MTA3: variants seen among roughly 807,000 people sequenced by gnomAD.
MTA3 encodes metastasis associated 1 family member 3.
MTA3 carries 34 observed loss-of-function variants against 83.5 expected under a neutral mutation model. That is an observed-to-expected ratio of 0.41 (90% confidence interval 0.31 to 0.54). The LOEUF (loss-of-function observed/expected upper bound fraction) is 0.54, where lower values mean the gene tolerates loss of function less well. MTA3 is among the 20% of genes least tolerant of loss of function. The probability of loss-of-function intolerance (pLI) is 0.33; values close to 1 mark genes in which losing one functional copy is unlikely to be tolerated. For synonymous variants in MTA3, 303 were observed against 252.7 expected (o/e 1.20, Z -1.89); for missense variants, 761 against 726.4 (o/e 1.05, Z -0.55).
chr2:42,577,503 C>T (rs1248013877), intron 2 of MTA3, among the ~76,000 whole-genome samples: 2 of 146,684 alleles, frequency 1.4e-5, no homozygotes, highest in Non-Finnish European at 3.0e-5. Flanking sequence ...TTTTTTGAGA[C>T]GGATTGTCAC....
chr2:42,593,343 T>A (rs1287453944), intron 3 of MTA3, among the ~76,000 whole-genome samples: 1 of 62,976 alleles, frequency 1.6e-5, no homozygotes, highest in African/African-American at 8.3e-5. Context: ...AGAGCGAGAC[T>A]CTGTGTCAAA....
chr2:42,638,638 A>G (rs1687410500), intron 4 of MTA3, among the ~76,000 whole-genome samples: 1 of 151,822 alleles, frequency 6.6e-6, no homozygotes, highest in African/African-American at 2.4e-5. Context: ...AAGTGCTGAG[A>G]TTACAGGTGT....
chr2:42,619,808 C>G (rs542596355), intron 4 of MTA3, among the ~76,000 whole-genome samples: 2 of 151,996 alleles, frequency 1.3e-5, no homozygotes, highest in African/African-American at 2.4e-5. Flanking sequence ...TGTTACTTAC[C>G]TTTTTTCTGT....
chr2:42,605,669 C>CA (rs1276927328), intron 3 of MTA3, among the ~76,000 whole-genome samples: 7 of 75,550 alleles, frequency 9.3e-5, no homozygotes, highest in Admixed American at 3.5e-4. Context: ...GGGGGGCTGA[C>CA]CCCCCCACCT....
intron 9 of MTA3, among the ~76,000 whole-genome samples, chr2:42,690,761 G>T (rs903083428): frequency 1.3e-5 from 2 of 149,232 alleles, no homozygotes; most frequent in Non-Finnish European, 3.0e-5. Context: ...TGTAGCTTCC[G>T]CCTGCCAGGT....
chr2:42,675,443 C>G (rs552869399), intron 8 of MTA3, among the ~76,000 whole-genome samples: 1 of 152,150 alleles, frequency 6.6e-6, no homozygotes, highest in South Asian at 2.1e-4. Context: ...CCTCAAAATT[C>G]TTTTTCTTAT....
At chr2:42,662,330 A>T (rs552727685) in intron 8 of MTA3, among the ~76,000 whole-genome samples, 2 of 151,806 alleles carry the variant, frequency 1.3e-5, no homozygotes, top group South Asian at 2.1e-4. Context: ...TTATATTTAT[A>T]TATATAAATT....
At chr2:42,727,931 C>T (rs1472554346) in intron 16 of MTA3, among the ~76,000 whole-genome samples, 1 of 152,032 alleles carries the variant, frequency 6.6e-6, no homozygotes, top group Non-Finnish European at 1.5e-5. Flanking sequence ...TTACCTAAAG[C>T]ATTTATTCTT....
chr2:42,606,221 G>A (rs1382864110), intron 3 of MTA3, among the ~76,000 whole-genome samples: 1 of 137,416 alleles, frequency 7.3e-6, no homozygotes, highest in African/African-American at 2.8e-5. Flanking sequence ...CTCCCTCCCG[G>A]ACGGGGTGGC....
intron 2 of MTA3, among the ~76,000 whole-genome samples, chr2:42,577,908 AT>A (rs1573032726): frequency 1.3e-5 from 2 of 152,170 alleles, no homozygotes; most frequent in Admixed American, 6.6e-5. Flanking sequence ...ATTTTATTTT[AT>A]TTACATGGAA....
rs568336514 is a variant in MTA3 at position 42,597,364 on chromosome 2, C to T, written c.191-12094C>T. Reference sequence around the variant, plus strand: ...ACAGGAGTGAGCCACTGCACCTGGCCGACAAGTTATCTTTTTTTTTTTTTT... The same window carrying T: ...ACAGGAGTGAGCCACTGCACCTGGCTGACAAGTTATCTTTTTTTTTTTTTT... On this transcript the variant is annotated intron_variant, in intron 3 of 16. Coordinates refer to ENST00000405094, the MANE Select transcript of MTA3 (RefSeq NM_001330442.2). Among the ~76,000 whole-genome samples, 17 of 143,148 alleles carry T rather than the reference C, an allele frequency of 1.2e-4. No individual in the cohort carries two copies. The East Asian group carries it at 1.8e-3, about 15-fold the overall frequency. 93.9% of individuals were successfully genotyped at this position (143,148 alleles called of 152,430 possible).
chr2:42,741,605 A>G (rs563954538), intron 16 of MTA3, among the ~76,000 whole-genome samples: 5 of 73,022 alleles, frequency 6.8e-5, no homozygotes, highest in Non-Finnish European at 1.2e-4. Context: ...AGAGATGCTC[A>G]AGGAGAGGGG....
At chr2:42,696,662 T>G (rs1417089166) in intron 10 of MTA3, among the ~76,000 whole-genome samples, 3 of 152,158 alleles carry the variant, frequency 2.0e-5, no homozygotes. Flanking sequence ...TCCCAGCATT[T>G]TGGGAGGCCG....
chr2:42,657,147 T>G (rs757506318), intron 7 of MTA3, among the ~76,000 whole-genome samples: 1 of 152,212 alleles, frequency 6.6e-6, no homozygotes, highest in Non-Finnish European at 1.5e-5. Flanking sequence ...GAACCAAACA[T>G]GGCAAAATAT....
At chr2:42,647,359 G>A (rs1216910444) in intron 6 of MTA3, among the ~76,000 whole-genome samples, 1 of 151,832 alleles carries the variant, frequency 6.6e-6, no homozygotes, top group African/African-American at 2.4e-5. Flanking sequence ...GAGTAGCTGG[G>A]ATTACAGGCA....
At chr2:42,566,890 C>A (rs1677936669), upstream of MTA3, among the ~76,000 whole-genome samples, 1 of 152,130 alleles carries the variant, frequency 6.6e-6, no homozygotes, top group Non-Finnish European at 1.5e-5. Context: ...GATTCATAAT[C>A]CCAAAATTGC....
Position 42,753,977 on chromosome 2 carries a change from G to C in MTA3, c.*578G>C, listed in dbSNP as rs964813566. 1 of 985,512 alleles carries C rather than the reference G, an allele frequency of 1.0e-6. No homozygotes were observed. The highest frequency in any genetic ancestry group is 1.7e-5 in the African/African-American group (1 of 57,216). The allele number at this position is 985,512 out of a possible 1,614,324, so 61.0% of individuals were successfully genotyped here. A position where few individuals can be genotyped will look rare whatever the true frequency, so the allele number is the denominator to read the frequency against. ...TTTTTTTGAAATGGGGGAATTTGCT[G>C]TTTACCCTCTGCATTCCTATATGTG... is the stretch of plus-strand genomic sequence containing the variant. On this transcript the variant is annotated 3_prime_UTR_variant, in exon 17 of 17. Transcript: ENST00000405094.
chr2:42,616,324 A>C (rs1684881527), intron 4 of MTA3, among the ~76,000 whole-genome samples: 1 of 151,802 alleles, frequency 6.6e-6, no homozygotes, highest in South Asian at 2.1e-4. Flanking sequence ...TGGCCTCCCA[A>C]AGTGTTGGGA....
intron 8 of MTA3, among the ~76,000 whole-genome samples, chr2:42,677,888 C>T (rs1382223443): frequency 6.6e-6 from 1 of 152,320 alleles, no homozygotes; most frequent in African/African-American, 2.4e-5. Context: ...CTCACACACA[C>T]AAATATCTTA....
Sources: allele counts gnomAD v4.1 joint callset (sites outside exome capture counted in the v4.1 genomes callset), GRCh38; gene constraint gnomAD v4.1.1; transcripts MANE v1.5; gene names NCBI Gene and HGNC (gene_info 2026-07-23, HGNC 2026-07-21).